GPX5: variants seen among roughly 807,000 people sequenced by gnomAD.
GPX5 encodes the protein glutathione peroxidase 5, also known as epididymal secretory glutathione peroxidase.
A neutral mutation model predicts 23.8 loss-of-function variants in GPX5; 20 were observed. The ratio of observed to expected loss-of-function variants is 0.84; its 90% CI spans 0.59 to 1.22. The LOEUF (loss-of-function observed/expected upper bound fraction) is 1.22, where lower values mean the gene tolerates loss of function less well. Ranked by LOEUF, GPX5 falls within the 50% of genes most tolerant of loss-of-function variation. The probability of loss-of-function intolerance (pLI) is 0.00; values close to 1 mark genes in which losing one functional copy is unlikely to be tolerated. For missense variants in GPX5, 230 were observed against 266.6 expected (o/e 0.86, Z 0.96); for synonymous variants, 92 against 99.5 (o/e 0.92, Z 0.45).
rs1168961320 is a variant in GPX5 at position 28,529,586 on chromosome 6, C to T, written c.223C>T (p.Leu75=). 6.2e-7 allele frequency: 1 copy of T among 1,610,432 alleles called. No homozygotes were observed. Among genetic ancestry groups the T allele is most frequent in the Non-Finnish European group, 8.5e-7 (1 of 1,177,624 alleles). The change falls in exon 2 of 5, where the codon CTG becomes TTG. Residue 75 remains leucine, a synonymous_variant. Transcript: ENST00000412168. ...LFVNVATYCG[L]TAQYPELNAL... Reference sequence around the variant, plus strand: ...CGTCAACGTGGCCACCTACTGTGGTCTGACAGCGCAATATCCTGGTAAGAG... The same window carrying T: ...CGTCAACGTGGCCACCTACTGTGGTTTGACAGCGCAATATCCTGGTAAGAG...
intron 4 of GPX5, among the ~76,000 whole-genome samples, chr6:28,533,347 C>A (rs916279266): frequency 2.6e-5 from 4 of 152,066 alleles, no homozygotes; most frequent in Admixed American, 2.6e-4. Flanking sequence ...GTGTATCATG[C>A]CTCTGCACCC....
At chr6:28,531,370 C>CAAAA (rs1193939654) in intron 2 of GPX5, among the ~76,000 whole-genome samples, 18 of 50,100 alleles carry the variant, frequency 3.6e-4, no homozygotes, top group Non-Finnish European at 4.3e-4. Flanking sequence ...GAATCTGTCT[C>CAAAA]AAAAAAAAAA....
At chr6:28,531,389 A>AG (rs1290753590) in intron 2 of GPX5, among the ~76,000 whole-genome samples, 35 of 69,552 alleles carry the variant, frequency 5.0e-4, no homozygotes, top group African/African-American at 1.4e-3. Context: ...AAAAAAAAAA[A>AG]AAAAGAAAAG....
In GPX5 at chr6:28,531,646, C is replaced by T. The variant is rs1185164606; in HGVS notation, c.242-132C>T. The T allele has an allele frequency of 4.5e-6, 3 of 667,552 alleles. No homozygotes were observed. In the East Asian group the frequency reaches 7.8e-5, roughly 17 times the overall value. The allele number at this position is 667,552 out of a possible 1,614,324, so 41.4% of individuals were successfully genotyped here. On this transcript the variant is annotated intron_variant, in intron 2 of 4. Transcript: ENST00000412168. Reference sequence around the variant, plus strand: ...TAACTTCAGCTATGCTACTAACAGCCCTTCTGATGCAGAGCTGTTTCCCTC... The same window carrying T: ...TAACTTCAGCTATGCTACTAACAGCTCTTCTGATGCAGAGCTGTTTCCCTC...
chr6:28,529,542 T>G lies in GPX5; in HGVS notation c.179T>G (p.Val60Gly), dbSNP rs779872671. The G allele has an allele frequency of 1.2e-6, 2 of 1,613,384 alleles. No individual in the cohort carries two copies. The highest frequency in any genetic ancestry group is 1.7e-6 in the Non-Finnish European group (2 of 1,179,450). The change falls in exon 2 of 5, where the codon GTG becomes GGG. Residue 60 changes from valine to glycine, a missense_variant. Transcript: ENST00000412168. ...GAATATGTTTCCTTCAAGCAGTATG[T>G]GGGCAAGCACATCCTCTTCGTCAAC... ...KNEYVSFKQYVGKHILFVNVA... is the reference protein window; with the variant it reads ...KNEYVSFKQYGGKHILFVNVA...
At chr6:28,529,724 A>C in intron 2 of GPX5, 120 bp downstream of exon 2, 1 of 844,270 alleles carries the variant, frequency 1.2e-6, no homozygotes, top group Non-Finnish European at 1.7e-6. Flanking sequence ...CTCATAATCA[A>C]GTGACTTCAT....
chr6:28,526,193 C>A, intron 1 of GPX5, 93 bp downstream of exon 1: 1 of 923,880 alleles, frequency 1.1e-6, no homozygotes, highest in South Asian at 1.4e-5. Flanking sequence ...CCAACTCCTG[C>A]TTTCTTCTTC....
At position 28,526,221 on chromosome 6, in the gene GPX5, A is replaced by G. The variant is rs145422338; in HGVS notation, c.87+121A>G. The stretch of plus-strand genomic sequence containing the variant: ...TCTTCTTCTTTGCCAGTTCCCCTAA[A>G]CCTTGCTTTTTTTTCTCCTTGAATC... On this transcript the variant is annotated intron_variant, in intron 1 of 4. Coordinates refer to ENST00000412168, the MANE Select transcript of GPX5 (RefSeq NM_001509.3). 112 of 762,000 alleles carry G rather than the reference A, an allele frequency of 1.5e-4. No individual in the cohort carries two copies. The East Asian group carries it at 2.8e-3, about 19-fold the overall frequency. The allele number at this position is 762,000 out of a possible 1,614,324, so 47.2% of individuals were successfully genotyped here. A position where few individuals can be genotyped will look rare whatever the true frequency, so the allele number is the denominator to read the frequency against.
intron 4 of GPX5, among the ~76,000 whole-genome samples, chr6:28,533,497 C>A (rs1008973072): frequency 1.3e-5 from 2 of 152,174 alleles, no homozygotes; most frequent in South Asian, 2.1e-4. Context: ...GCAGTTTATT[C>A]TTCCAATGGT....
intron 2 of GPX5, among the ~76,000 whole-genome samples, chr6:28,531,186 T>C (rs1333548897): frequency 7.5e-6 from 1 of 132,682 alleles, no homozygotes; most frequent in Non-Finnish European, 1.7e-5. Flanking sequence ...CTGGCTAACA[T>C]GGCGAAACCC....
At position 28,534,803 on chromosome 6, in the gene GPX5, G is replaced by A. The variant is rs561441227; in HGVS notation, c.*636G>A. The A allele has an allele frequency of 6.6e-6, 1 of 152,296 alleles. No homozygotes were observed. The highest frequency in any genetic ancestry group is 2.4e-5 in the African/African-American group (1 of 41,554). 9.4% of individuals were successfully genotyped at this position (152,296 alleles called of 1,614,324 possible). A position where few individuals can be genotyped will look rare whatever the true frequency, so the allele number is the denominator to read the frequency against. ...TGGCCCTACAAAAGTTTTCCTAATT[G>A]TCTGATCTTTAGTGCATTCAGGTTA... On this transcript the variant is annotated 3_prime_UTR_variant, in exon 5 of 5. Coordinates refer to ENST00000412168, the MANE Select transcript of GPX5 (RefSeq NM_001509.3).
intron 1 of GPX5, among the ~76,000 whole-genome samples, chr6:28,529,093 C>T (rs1763264081): frequency 6.7e-6 from 1 of 148,680 alleles, no homozygotes; most frequent in Non-Finnish European, 1.5e-5. Flanking sequence ...TTCTAACTAT[C>T]TTTTTTTTTT....
rs563761738 is a variant in GPX5, at chr6:28,529,970, C to A, written c.241+366C>A. The A allele has an allele frequency of 2.5e-4, 42 of 170,282 alleles. No individual in the cohort carries two copies. The South Asian group carries it at 7.8e-3, about 31-fold the overall frequency. The allele number at this position is 170,282 out of a possible 1,614,324, so 10.5% of individuals were successfully genotyped here. A position where few individuals can be genotyped will look rare whatever the true frequency, so the allele number is the denominator to read the frequency against. On this transcript the variant is annotated intron_variant, in intron 2 of 4. Coordinates refer to ENST00000412168, the MANE Select transcript of GPX5 (RefSeq NM_001509.3). ...GCCCTTTACAGAAAAAATGTGCTAA[C>A]CCCCTCCCCATGCCCTGCCTCTGCT... is the stretch of plus-strand genomic sequence containing the variant.
chr6:28,533,904 C>T (rs1763373332), intron 4 of GPX5, 57 bp from the exon 5 acceptor site: 7 of 1,211,734 alleles, frequency 5.8e-6, no homozygotes, highest in Admixed American at 2.6e-5. Context: ...TAAAAATAGC[C>T]TGGATCATCC....
At chr6:28,530,716 T>C (rs1433813149) in intron 2 of GPX5, among the ~76,000 whole-genome samples, 1 of 152,210 alleles carries the variant, frequency 6.6e-6, no homozygotes, top group Non-Finnish European at 1.5e-5. Context: ...ATAGGGACTT[T>C]AAGAATCGAT....
At chr6:28,529,157 T>C (rs1763265657) in intron 1 of GPX5, among the ~76,000 whole-genome samples, 1 of 151,952 alleles carries the variant, frequency 6.6e-6, no homozygotes, top group South Asian at 2.1e-4. Flanking sequence ...TCCCAGCCTC[T>C]GGTAACCATC....
chr6:28,532,178 GT>G (rs1447279638), intron 3 of GPX5, 142 bp from the exon 4 acceptor site: 11 of 640,894 alleles, frequency 1.7e-5, no homozygotes, highest in Non-Finnish European at 3.0e-5. Flanking sequence ...AGAGCCCAAA[GT>G]CAAAACATGG....
rs9380078 is a variant in GPX5, at chr6:28,534,840, G to A, written c.*673G>A. The A allele has an allele frequency of 2.0e-5, 3 of 152,164 alleles. No homozygotes were observed. The highest frequency in any genetic ancestry group is 4.4e-5 in the Non-Finnish European group (3 of 68,054). 9.4% of individuals were successfully genotyped at this position (152,164 alleles called of 1,614,324 possible). A position where few individuals can be genotyped will look rare whatever the true frequency, so the allele number is the denominator to read the frequency against. On this transcript the variant is annotated 3_prime_UTR_variant, in exon 5 of 5. Coordinates refer to ENST00000412168, the MANE Select transcript of GPX5 (RefSeq NM_001509.3). ...GTGCATTCAGGTTATGGCACCTGGAGAGGAATGCCCTTTATCTTTTGAAGG... is the reference window on the plus strand; with the variant it reads ...GTGCATTCAGGTTATGGCACCTGGAAAGGAATGCCCTTTATCTTTTGAAGG...
intron 4 of GPX5, 69 bp from the exon 5 acceptor site, chr6:28,533,892 G>C (rs1452712668): frequency 2.9e-6 from 3 of 1,033,958 alleles, no homozygotes; most frequent in East Asian, 5.3e-5. Flanking sequence ...ATTACCTGTG[G>C]GTAAAAATAG....
Sources: gnomAD v4.1 joint callset for allele counts (sites outside exome capture counted in the v4.1 genomes callset) on GRCh38, gnomAD v4.1.1 for gene constraint, MANE v1.5 for transcripts, NCBI Gene and HGNC (gene_info 2026-07-23, HGNC 2026-07-21) for gene names.